CHST15: variants seen among roughly 807,000 people sequenced by gnomAD.
CHST15 encodes carbohydrate sulfotransferase 15.
In CHST15, 30 loss-of-function variants were observed where a neutral mutation model predicts 53.6. That is an observed-to-expected ratio of 0.56 (90% CI 0.42 to 0.76). CHST15 has a LOEUF of 0.76. CHST15 is among the 30% of genes least tolerant of loss of function. The pLI is 0.00. For missense variants in CHST15, 627 were observed against 740.5 expected, an observed-to-expected ratio of 0.85 and a Z score of 1.78; for synonymous variants, 296 against 289.8, an observed-to-expected ratio of 1.02 and a Z score of -0.22.
intron 6 of CHST15, among the ~76,000 whole-genome samples, chr10:124,015,715 TTGC>T (rs1207806986): frequency 6.6e-6 from 1 of 152,228 alleles, no homozygotes; most frequent in Non-Finnish European, 1.5e-5. Context: ...CAATGGTGAT[TTGC>T]TGCTAACAGA....
At chr10:124,035,764 C>G (rs936909551) in intron 5 of CHST15, among the ~76,000 whole-genome samples, 1 of 152,194 alleles carries the variant, frequency 6.6e-6, no homozygotes, top group Non-Finnish European at 1.5e-5. Flanking sequence ...ACAGCAAACT[C>G]TTATTCATCC....
chr10:124,061,756 C>T (rs1283481302), intron 1 of CHST15, among the ~76,000 whole-genome samples: 5 of 152,176 alleles, frequency 3.3e-5, no homozygotes, highest in Non-Finnish European at 7.3e-5. Context: ...CGTGAGTTCA[C>T]GTCCAGTAAG....
At position 124,008,690 on chromosome 10, in the gene CHST15, A is replaced by G. The variant is rs949592522; in HGVS notation, c.*1459T>C. 15 of 1,132,030 alleles carry G rather than the reference A, an allele frequency of 1.3e-5. No homozygotes were observed. The African/African-American group carries it at 1.9e-4, about 15-fold the overall frequency. The allele number at this position is 1,132,030 out of a possible 1,614,324, so 70.1% of individuals were successfully genotyped here. A position where few individuals can be genotyped will look rare whatever the true frequency, so the allele number is the denominator to read the frequency against. On this transcript the variant is annotated 3_prime_UTR_variant, in exon 8 of 8. Coordinates refer to ENST00000435907, the MANE Select transcript of CHST15 (RefSeq NM_001270764.2). The stretch of plus-strand genomic sequence containing the variant: ...AAGCCTGGTCTGTCTCACACATACA[A>G]GTTAGAGCTGGGTAGACGGGTGCTT...
Position 124,035,126 on chromosome 10 carries a change from AGGGACCCCGGCTCCGCCCCCTAACG to A in CHST15, c.1190+3364_1190+3388del, listed in dbSNP as rs1554906897. On this transcript the variant is annotated intron_variant, in intron 5 of 7. Coordinates refer to ENST00000435907, the MANE Select transcript of CHST15 (RefSeq NM_001270764.2). ...AGGGACCCCGGCTCCGCCCCCTAACAGGGACCCCGGCTCCGCCCCCTAACGGGGACCCCGGCTCCGCCCCCTAACG... is the reference window on the plus strand; with the variant it reads ...AGGGACCCCGGCTCCGCCCCCTAACAGGGACCCCGGCTCCGCCCCCTAACG... Among the ~76,000 whole-genome samples, 545 of 100,496 alleles carry A rather than the reference AGGGACCCCGGCTCCGCCCCCTAACG, an allele frequency of 5.4e-3. 2 individuals are homozygous for A. Among genetic ancestry groups the A allele is most frequent in the African/African-American group, 0.016 (345 of 20,990 alleles). 65.9% of individuals were successfully genotyped at this position (100,496 alleles called of 152,430 possible).
intron 4 of CHST15, 110 bp from the exon 5 acceptor site, chr10:124,038,781 G>A (rs561975374): frequency 5.8e-5 from 67 of 1,145,494 alleles, no homozygotes; most frequent in South Asian, 1.1e-4. Flanking sequence ...CTTAAGCAGC[G>A]GGAGAGGCCA....
chr10:124,040,564 G>C (rs1707266165), intron 4 of CHST15, among the ~76,000 whole-genome samples: 1 of 152,218 alleles, frequency 6.6e-6, no homozygotes, highest in Non-Finnish European at 1.5e-5. Flanking sequence ...GGCCCAAGAT[G>C]ATGAAAGATC....
At chr10:124,045,127 A>AAAAACAAAAAC (rs1554911450) in intron 2 of CHST15, among the ~76,000 whole-genome samples, 1 of 125,076 alleles carries the variant, frequency 8.0e-6, no homozygotes, top group African/African-American at 4.2e-5. Flanking sequence ...AAAAAAAAAA[A>AAAAACAAAAAC]AAAAAAAAAA....
Position 124,030,753 on chromosome 10 carries a change from G to A in CHST15, c.1190+7762C>T, listed in dbSNP as rs771329672. On this transcript the variant is annotated intron_variant, in intron 5 of 7. Transcript: ENST00000435907. Reference sequence around the variant, plus strand: ...AACACATCCAGGGCTTTCAATCAGTGCTTCTAGGGGCTGGGGGAAGTTGAG... The same window carrying A: ...AACACATCCAGGGCTTTCAATCAGTACTTCTAGGGGCTGGGGGAAGTTGAG... 4.6e-5 allele frequency among the ~76,000 whole-genome samples: 7 copies of A among 152,222 alleles called. No individual in the cohort carries two copies. The South Asian group carries it at 6.2e-4, about 13-fold the overall frequency.
chr10:124,092,763 C>T (rs1022401016), intron 1 of CHST15, among the ~76,000 whole-genome samples: 1 of 152,230 alleles, frequency 6.6e-6, no homozygotes, highest in Non-Finnish European at 1.5e-5. Flanking sequence ...GGTGTGGGGG[C>T]GGAGCGCAAG....
chr10:124,027,500 G>A (rs538203569), intron 5 of CHST15, among the ~76,000 whole-genome samples: 15 of 152,230 alleles, frequency 9.9e-5, no homozygotes, highest in South Asian at 2.1e-4. Flanking sequence ...CTGAGCCAGC[G>A]AGCAGAGGTT....
At chr10:124,029,457 G>T (rs1249110598) in intron 5 of CHST15, among the ~76,000 whole-genome samples, 1 of 152,230 alleles carries the variant, frequency 6.6e-6, no homozygotes, top group African/African-American at 2.4e-5. Context: ...CAGGCCCTAG[G>T]TTCCTTGTGC....
At chr10:124,080,126 C>A (rs925087719) in intron 1 of CHST15, among the ~76,000 whole-genome samples, 5 of 152,160 alleles carry the variant, frequency 3.3e-5, no homozygotes, top group African/African-American at 1.2e-4. Context: ...TGCAGGCCAG[C>A]GAGCATCGGA....
chr10:124,008,795 G>A lies in CHST15; in HGVS notation c.*1354C>T. 2 of 1,187,740 alleles carry A rather than the reference G, an allele frequency of 1.7e-6. No homozygotes were observed. The highest frequency in any genetic ancestry group is 5.9e-5 in the East Asian group (1 of 16,954). The allele number at this position is 1,187,740 out of a possible 1,614,324, so 73.6% of individuals were successfully genotyped here. On this transcript the variant is annotated 3_prime_UTR_variant, in exon 8 of 8. Transcript: ENST00000435907. Reference sequence around the variant, plus strand: ...AAGCTTCCCTTGACAATACTTGAGTGCAAAGCTTCATCCAGGTCCCACCTG... The same window carrying A: ...AAGCTTCCCTTGACAATACTTGAGTACAAAGCTTCATCCAGGTCCCACCTG...
chr10:124,033,771 C>T (rs917820549), intron 5 of CHST15, among the ~76,000 whole-genome samples: 1 of 152,186 alleles, frequency 6.6e-6, no homozygotes, highest in East Asian at 1.9e-4. Flanking sequence ...CAACCATGTG[C>T]GCTTGGGAGC....
intron 5 of CHST15, among the ~76,000 whole-genome samples, chr10:124,037,789 G>A (rs1590233645): frequency 1.3e-5 from 2 of 152,304 alleles, no homozygotes; most frequent in South Asian, 2.1e-4. Context: ...AAGGAAAGCT[G>A]GAAACTGTAC....
At chr10:124,050,226 G>T (rs1948143172) in intron 1 of CHST15, among the ~76,000 whole-genome samples, 1 of 152,202 alleles carries the variant, frequency 6.6e-6, no homozygotes, top group African/African-American at 2.4e-5. Flanking sequence ...GACCTCCCCT[G>T]ACGGGCGCGA....
Position 124,046,329 on chromosome 10 carries a change from T to G in CHST15, c.-117A>C, listed in dbSNP as rs1310162802. On this transcript the variant is annotated 5_prime_UTR_variant, in exon 2 of 8. Transcript: ENST00000435907. ...AAGAATGCCTTGTGATCACAGAAGA[T>G]GGATGGAAAGCACAAATACAAAAAT... 3 of 934,956 alleles carry G rather than the reference T, an allele frequency of 3.2e-6. No individual in the cohort carries two copies. The highest frequency in any genetic ancestry group is 4.7e-6 in the Non-Finnish European group (3 of 635,918). The allele number at this position is 934,956 out of a possible 1,614,324, so 57.9% of individuals were successfully genotyped here.
rs781020400 is a variant in CHST15 at position 124,044,778 on chromosome 10, C to T, written c.688G>A (p.Asp230Asn). 2 of 1,610,604 alleles carry T rather than the reference C, an allele frequency of 1.2e-6. No individual in the cohort carries two copies. Among genetic ancestry groups the T allele is most frequent in the Non-Finnish European group, 1.7e-6 (2 of 1,178,272 alleles). The change falls in exon 3 of 8, where the codon GAC (aspartate) becomes AAC (asparagine). Residue 230 changes from aspartate (D) to asparagine (N), a missense_variant. Physicochemically the swap from Asp to Asn is conservative, Grantham distance 23. Around this residue, in one of 3 missense-constraint regions of CHST15, gnomAD observed 161 missense variants for 117.2 expected, o/e 1.37. Coordinates refer to ENST00000435907, the MANE Select transcript of CHST15 (RefSeq NM_001270764.2). ...LYSKRFRSTF[D>N]ALRKAFWGHL... ...CCCCAGAAGGCCTTGCGCAGGGCGT[C>T]GAAGGTGGAGCGGAAGCGCTTGGAG... is the stretch of plus-strand genomic sequence containing the variant.
chr10:124,042,817 AC>A (rs1947793700), intron 3 of CHST15, among the ~76,000 whole-genome samples: 1 of 152,108 alleles, frequency 6.6e-6, no homozygotes, highest in Admixed American at 6.5e-5. Flanking sequence ...CAGCGATGAC[AC>A]CCAGGATGCA....
Sources: allele counts gnomAD v4.1 joint callset (sites outside exome capture counted in the v4.1 genomes callset), GRCh38; gene constraint gnomAD v4.1.1; regional missense constraint gnomAD v4.1.1; transcripts MANE v1.5; gene names NCBI Gene and HGNC (gene_info 2026-07-23, HGNC 2026-07-21).